REV1: variants seen among roughly 807,000 people sequenced by gnomAD.
REV1 encodes the protein translesion synthesis protein REV1.
REV1 carries 42 observed loss-of-function variants against 137.4 expected under a neutral mutation model. The observed-to-expected ratio is 0.31, with a 90% CI of 0.24 to 0.40. REV1 has a LOEUF of 0.40. Ranked by LOEUF, REV1 falls within the 10% of genes least tolerant of loss-of-function variation. The pLI, the probability that REV1 is intolerant of heterozygous loss-of-function variation, is 1.00. For missense variants in REV1, 1,282 were observed against 1,490.1 expected (o/e 0.86, Z 2.30); for synonymous variants, 524 against 519.2 (o/e 1.01, Z -0.12).
At chr2:99,401,543 T>C (rs991148989) in intron 22 of REV1, among the ~76,000 whole-genome samples, 191 bp from the exon 23 acceptor site, 1 of 151,558 alleles carries the variant, frequency 6.6e-6, no homozygotes, top group Admixed American at 6.6e-5. Context: ...GGTCAGGAGT[T>C]TGAGACCAGC....
chr2:99,425,658 A>T (rs1032049703), intron 9 of REV1, among the ~76,000 whole-genome samples: 2 of 152,252 alleles, frequency 1.3e-5, no homozygotes, highest in African/African-American at 4.8e-5. Flanking sequence ...GAAAAGGGTA[A>T]ATTTCAGGTA....
In REV1 at chr2:99,481,692, T is replaced by TACACAC. The variant is rs112823394; in HGVS notation, c.-11+8119_-11+8124dup. Among the ~76,000 whole-genome samples, 1,459 of 148,700 alleles carry TACACAC rather than the reference T, an allele frequency of 9.8e-3. 22 individuals carry two copies. Among genetic ancestry groups the TACACAC allele is most frequent in the African/African-American group, 0.034 (1,386 of 40,786 alleles). ...AGCCTGGGCAACATGGGGAGATCCC[T>TACACAC]ACACACACACACACACAAAAATTTA... On this transcript the variant is annotated intron_variant, in intron 1 of 22. Transcript: ENST00000258428.
intron 1 of REV1, among the ~76,000 whole-genome samples, chr2:99,471,084 G>C (rs1327548563): frequency 6.6e-6 from 1 of 152,186 alleles, no homozygotes; most frequent in Admixed American, 6.5e-5. Context: ...TCATGAATAT[G>C]ACACAAATGC....
chr2:99,431,475 G>A (rs576983970), intron 8 of REV1, among the ~76,000 whole-genome samples: 1 of 152,266 alleles, frequency 6.6e-6, no homozygotes, highest in African/African-American at 2.4e-5. Flanking sequence ...CTTCAACAGA[G>A]GGTGCTACTA....
intron 1 of REV1, 39 bp downstream of exon 1, chr2:99,489,777 GC>G: frequency 6.7e-6 from 1 of 148,466 alleles, no homozygotes; most frequent in Non-Finnish European, 1.5e-5. Flanking sequence ...GTCCGATCCC[GC>G]CCCTCCCCCA....
intron 1 of REV1, among the ~76,000 whole-genome samples, chr2:99,470,608 T>C (rs1685307877): frequency 1.3e-5 from 2 of 152,326 alleles, no homozygotes; most frequent in African/African-American, 4.8e-5. Flanking sequence ...TCCTCTTCCT[T>C]ATTTGAAGGT....
At chr2:99,431,247 G>A (rs1680081381) in intron 8 of REV1, among the ~76,000 whole-genome samples, 1 of 152,138 alleles carries the variant, frequency 6.6e-6, no homozygotes, top group African/African-American at 2.4e-5. Flanking sequence ...AACATCTCGG[G>A]TCAAATCCTA....
intron 1 of REV1, among the ~76,000 whole-genome samples, chr2:99,478,637 G>T (rs1331585615): frequency 6.6e-6 from 1 of 152,166 alleles, no homozygotes; most frequent in African/African-American, 2.4e-5. Context: ...GTAACAGGAA[G>T]AACAGAACTT....
chr2:99,427,367 A>G (rs1161479376), intron 9 of REV1, among the ~76,000 whole-genome samples: 1 of 152,166 alleles, frequency 6.6e-6, no homozygotes, highest in East Asian at 1.9e-4. Context: ...TGTACAATCT[A>G]CCTTCTCACT....
intron 4 of REV1, among the ~76,000 whole-genome samples, chr2:99,448,217 C>A (rs879524717): frequency 6.6e-6 from 1 of 152,040 alleles, no homozygotes; most frequent in Non-Finnish European, 1.5e-5. Flanking sequence ...AAAGCAAGAA[C>A]TAGAAAAAAA....
chr2:99,426,095 C>T (rs1164571019), intron 9 of REV1, among the ~76,000 whole-genome samples: 2 of 151,112 alleles, frequency 1.3e-5, no homozygotes, highest in Non-Finnish European at 2.9e-5. Flanking sequence ...TCTGTAATCC[C>T]AGCACTTTGG....
At chr2:99,461,750 A>G (rs1429228511) in intron 3 of REV1, among the ~76,000 whole-genome samples, 1 of 152,220 alleles carries the variant, frequency 6.6e-6, no homozygotes, top group Non-Finnish European at 1.5e-5. Flanking sequence ...GGAAGCTTGG[A>G]AAGAAGCTGC....
chr2:99,413,024 C>G, intron 12 of REV1, 73 bp from the exon 13 acceptor site: 1 of 1,003,066 alleles, frequency 1.0e-6, no homozygotes, highest in Non-Finnish European at 1.6e-6. Context: ...AAATACCCAC[C>G]ATTTATGCAC....
intron 7 of REV1, 98 bp from the exon 8 acceptor site, chr2:99,434,546 T>C: frequency 4.8e-6 from 3 of 625,986 alleles, no homozygotes; most frequent in Middle Eastern, 3.4e-4. Context: ...CATGCCTTTT[T>C]TTTCTTTAGC....
intron 2 of REV1, among the ~76,000 whole-genome samples, chr2:99,464,643 CTG>C (rs1488209904): frequency 6.6e-6 from 1 of 152,112 alleles, no homozygotes; most frequent in East Asian, 1.9e-4. Flanking sequence ...ATGTGTTTTC[CTG>C]TTTTTCTGTA....
At position 99,405,985 on chromosome 2, in the gene REV1, T is replaced by C. The variant is rs369541955; in HGVS notation, c.2736A>G (p.Lys912=). 3 of 1,614,072 alleles carry C rather than the reference T, an allele frequency of 1.9e-6. 1 individual carries two copies. Among genetic ancestry groups the C allele is most frequent in the Admixed American group, 3.3e-5 (2 of 60,002 alleles). ...TGACAGGAGTATGTAGACCATTCCA[T>C]TTCCCTGAAGACTCAGCCTTGTTAG... ...PDTNKAESSG[K]WNGLHTPVSV... Residue 912 remains lysine, a synonymous_variant, in exon 17 of 23, where the codon AAA becomes AAG. Coordinates refer to ENST00000258428, the MANE Select transcript of REV1 (RefSeq NM_016316.4).
Position 99,403,868 on chromosome 2 carries a change from C to G in REV1, c.3046-53G>C, listed in dbSNP as rs986257884. 7 of 1,593,254 alleles carry G rather than the reference C, an allele frequency of 4.4e-6. No homozygotes were observed. The African/African-American group carries it at 9.4e-5, about 21-fold the overall frequency. On this transcript the variant is annotated intron_variant, in intron 18 of 22. Coordinates refer to ENST00000258428, the MANE Select transcript of REV1 (RefSeq NM_016316.4). ...AACCTGAGCTAATTGTAGATGGTAG[C>G]TGGTTTCTCTTTTTCACAAAACAGA...
Position 99,404,650 on chromosome 2 carries a change from G to C in REV1, c.2839C>G (p.Pro947Ala). 1 of 1,612,044 alleles carries C rather than the reference G, an allele frequency of 6.2e-7. No homozygotes were observed. The highest frequency in any genetic ancestry group is 8.5e-7 in the Non-Finnish European group (1 of 1,179,540). The change falls in exon 18 of 23, where the codon CCA (proline) becomes GCA (alanine). Residue 947 changes from proline to alanine, a missense_variant. Pro to Ala is a conservative substitution (Grantham distance 27). Coordinates refer to ENST00000258428, the MANE Select transcript of REV1 (RefSeq NM_016316.4). ...QLDQSVLEAL[P>A]PDLREQVEQV... ...TCTACTTGTTCCCGGAGATCAGGTG[G>C]AAGTGCTTCTAAAACAGACTGATCC... is the stretch of plus-strand genomic sequence containing the variant.
At chr2:99,481,817 T>G (rs1021959665) in intron 1 of REV1, among the ~76,000 whole-genome samples, 1 of 152,154 alleles carries the variant, frequency 6.6e-6, no homozygotes, top group East Asian at 1.9e-4. Context: ...TACAGTGAGC[T>G]ATGATAGCAC....
Sources: allele counts gnomAD v4.1 joint callset (sites outside exome capture counted in the v4.1 genomes callset), GRCh38; gene constraint gnomAD v4.1.1; transcripts MANE v1.5; gene names NCBI Gene and HGNC (gene_info 2026-07-23, HGNC 2026-07-21).